KCNG2: variants seen among roughly 807,000 people sequenced by gnomAD.
The protein encoded by KCNG2 is voltage-gated potassium channel regulatory subunit KCNG2.
In KCNG2, 7 loss-of-function variants were observed where a neutral mutation model predicts 12.3. The ratio of observed to expected loss-of-function variants is 0.57; its 90% CI spans 0.32 to 1.07. The LOEUF (loss-of-function observed/expected upper bound fraction) is 1.07, where lower values mean the gene tolerates loss of function less well. Ranked by LOEUF, KCNG2 falls within the 50% of genes least tolerant of loss-of-function variation. The pLI, the probability that KCNG2 is intolerant of heterozygous loss-of-function variation, is 0.04. For synonymous variants in KCNG2, 414 were observed against 351.4 expected (o/e 1.18, Z -1.99); for missense variants, 703 against 726.0 (o/e 0.97, Z 0.36).
chr18:79,892,487 T>C lies in KCNG2; in HGVS notation c.625-6553T>C, dbSNP rs370751799. Among the ~76,000 whole-genome samples the C allele has an allele frequency of 8.5e-5, 13 of 152,350 alleles. No individual in the cohort carries two copies. The South Asian group carries it at 2.3e-3, about 27-fold the overall frequency. ...TTCAACTATTTTTTAAAACCCAGTC[T>C]GCCTTTTGATTGGGTTGTTCACTCC... On this transcript the variant is annotated intron_variant, in intron 3 of 3. Coordinates refer to ENST00000316249, the MANE Select transcript of KCNG2 (RefSeq NM_012283.2).
At chr18:79,869,457 T>C (rs1017985798) in intron 3 of KCNG2, among the ~76,000 whole-genome samples, 4 of 152,104 alleles carry the variant, frequency 2.6e-5, no homozygotes, top group African/African-American at 9.7e-5. Context: ...TGGGAGCAGT[T>C]GTTGAGTCTG....
At chr18:79,879,388 G>A (rs539591044) in intron 3 of KCNG2, among the ~76,000 whole-genome samples, 1 of 152,204 alleles carries the variant, frequency 6.6e-6, no homozygotes, top group Non-Finnish European at 1.5e-5. Context: ...AGCCTGAAAG[G>A]ATAGACATGG....
At chr18:79,882,610 A>G (rs191349443) in intron 3 of KCNG2, among the ~76,000 whole-genome samples, 1 of 152,402 alleles carries the variant, frequency 6.6e-6, no homozygotes, top group African/African-American at 2.4e-5. Flanking sequence ...GAGTTAAGCC[A>G]CAGGAGCTGT....
At chr18:79,865,206 C>G (rs1178895153) in intron 3 of KCNG2, among the ~76,000 whole-genome samples, 14 of 129,594 alleles carry the variant, frequency 1.1e-4, no homozygotes, top group Non-Finnish European at 1.1e-4. Context: ...TATCTGGCTG[C>G]TGAGAGGTCT....
At chr18:79,871,146 G>A (rs552150171) in intron 3 of KCNG2, among the ~76,000 whole-genome samples, 17 of 152,360 alleles carry the variant, frequency 1.1e-4, no homozygotes, top group African/African-American at 3.1e-4. Context: ...GTCAGCCTTC[G>A]TGTCAGGCAC....
At chr18:79,896,890 C>G (rs1980995404) in intron 3 of KCNG2, among the ~76,000 whole-genome samples, 1 of 152,160 alleles carries the variant, frequency 6.6e-6, no homozygotes, top group Admixed American at 6.5e-5. Flanking sequence ...CCTTTGAGCA[C>G]TTTGGATGTG....
At chr18:79,817,608 G>A (rs1285536701) in intron 1 of KCNG2, among the ~76,000 whole-genome samples, 1 of 152,208 alleles carries the variant, frequency 6.6e-6, no homozygotes. Context: ...ACACCTGGCT[G>A]TCACACACGC....
At chr18:79,830,270 T>TA (rs1279291369) in intron 1 of KCNG2, among the ~76,000 whole-genome samples, 1 of 152,118 alleles carries the variant, frequency 6.6e-6, no homozygotes, top group Non-Finnish European at 1.5e-5. Flanking sequence ...GACGTGTTGT[T>TA]TCAGGGGTTT....
Position 79,863,690 on chromosome 18 carries a change from CG to C in KCNG2, c.26del (p.Gly9AlafsTer56). 1 of 1,181,850 alleles carries C rather than the reference CG, an allele frequency of 8.5e-7. No homozygotes were observed. The highest frequency in any genetic ancestry group is 1.0e-6 in the Non-Finnish European group (1 of 957,086). The allele number at this position is 1,181,850 out of a possible 1,614,324, so 73.2% of individuals were successfully genotyped here. A position where few individuals can be genotyped will look rare whatever the true frequency, so the allele number is the denominator to read the frequency against. ...CGCATGGAGCCATGGCCCTGCTCCCCGGGCGGCGGCGGCGGGACCCGCGCCC... is the reference window on the plus strand; with the variant it reads ...CGCATGGAGCCATGGCCCTGCTCCCCGGCGGCGGCGGCGGGACCCGCGCCC... MEPWPCS[P>X]GGGGGTRARH... is the part of the protein sequence containing the mutation. On this transcript the variant is annotated frameshift_variant, in exon 3 of 4. Coordinates refer to ENST00000316249, the MANE Select transcript of KCNG2 (RefSeq NM_012283.2). LOFTEE classifies it high-confidence loss of function.
chr18:79,868,422 C>T (rs1427876248), intron 3 of KCNG2, among the ~76,000 whole-genome samples: 1 of 152,164 alleles, frequency 6.6e-6, no homozygotes, highest in Non-Finnish European at 1.5e-5. Context: ...GAAGCAGTCG[C>T]CCTCTGCATG....
chr18:79,874,345 C>T (rs1979981166), intron 3 of KCNG2, among the ~76,000 whole-genome samples: 2 of 152,244 alleles, frequency 1.3e-5, no homozygotes, highest in South Asian at 4.1e-4. Context: ...GGTTCTGTGT[C>T]TATCAGGAGC....
At chr18:79,883,241 A>C (rs1181138724) in intron 3 of KCNG2, among the ~76,000 whole-genome samples, 1 of 143,088 alleles carries the variant, frequency 7.0e-6, no homozygotes, top group Non-Finnish European at 1.5e-5. Flanking sequence ...TTGGGGGCCA[A>C]GACTGGGTGG....
intron 3 of KCNG2, among the ~76,000 whole-genome samples, chr18:79,890,108 G>T (rs1407489809): frequency 6.6e-6 from 1 of 152,004 alleles, no homozygotes; most frequent in Non-Finnish European, 1.5e-5. Flanking sequence ...CTACACTGCC[G>T]AATTCAGCTT....
intron 1 of KCNG2, among the ~76,000 whole-genome samples, chr18:79,853,026 T>C (rs929975361): frequency 5.9e-5 from 9 of 152,232 alleles, no homozygotes; most frequent in Non-Finnish European, 8.8e-5. Context: ...GCCCCGTGTG[T>C]GCTGGACGCC....
Position 79,899,601 on chromosome 18 carries a change from C to T in KCNG2, c.1186C>T (p.Leu396Phe), listed in dbSNP as rs765752285. 1.3e-6 allele frequency: 2 copies of T among 1,599,858 alleles called. No homozygotes were observed. Among genetic ancestry groups the T allele is most frequent in the Non-Finnish European group, 8.5e-7 (1 of 1,172,440 alleles). ...CAGCAGCATCCTCAGCGGCATCCTG[C>T]TCATGGCCTTCCCGGTCACCTCCAT... is the stretch of plus-strand genomic sequence containing the variant. Reference protein sequence around the residue: ...ALSSILSGILLMAFPVTSIFH... With the variant: ...ALSSILSGILFMAFPVTSIFH... Residue 396 changes from leucine (L) to phenylalanine (F), a missense_variant, in exon 4 of 4, where the codon CTC (leucine) becomes TTC (phenylalanine). Transcript: ENST00000316249.
chr18:79,803,322 GTTC>G lies in KCNG2; in HGVS notation c.-115+5315_-115+5317del, dbSNP rs1390686474. On this transcript the variant is annotated intron_variant, in intron 1 of 3. Transcript: ENST00000316249. This position sits in a 1 kb window ranked among gnomAD's most constrained non-coding sequence, Gnocchi z 4.5. ...CAGCCCCCTCACCTCTAGGCCTCCA[GTTC>G]TTCTTCCCGGAGGTTCACAGCCACT... Among the ~76,000 whole-genome samples the G allele has an allele frequency of 1.3e-5, 2 of 152,138 alleles. No individual in the cohort carries two copies. Among genetic ancestry groups the G allele is most frequent in the African/African-American group, 4.8e-5 (2 of 41,430 alleles).
At chr18:79,855,201 T>C (rs929200609) in intron 1 of KCNG2, among the ~76,000 whole-genome samples, 18 of 152,210 alleles carry the variant, frequency 1.2e-4, no homozygotes, top group African/African-American at 3.9e-4. Flanking sequence ...CATTTTAGTT[T>C]CAGTTCATCT....
Position 79,863,793 on chromosome 18 carries a change from C to G in KCNG2, c.126C>G (p.Arg42=). 7.7e-7 allele frequency: 1 copy of G among 1,303,290 alleles called. No individual in the cohort carries two copies. The highest frequency in any genetic ancestry group is 1.8e-5 in the South Asian group (1 of 56,526). The allele number at this position is 1,303,290 out of a possible 1,614,324, so 80.7% of individuals were successfully genotyped here. ...CGCTGGCGCGATGCCCCCTCGCGCGCCTGGAGCGCCTGCGCGCCTGCCGCG... is the reference window on the plus strand; with the variant it reads ...CGCTGGCGCGATGCCCCCTCGCGCGGCTGGAGCGCCTGCGCGCCTGCCGCG... ...WAALARCPLA[R]LERLRACRGH... Residue 42 remains arginine, a synonymous_variant, in exon 3 of 4, where the codon CGC becomes CGG. Coordinates refer to ENST00000316249, the MANE Select transcript of KCNG2 (RefSeq NM_012283.2).
chr18:79,798,286 G>T (rs2087379484), intron 1 of KCNG2, among the ~76,000 whole-genome samples: 1 of 152,030 alleles, frequency 6.6e-6, no homozygotes, highest in Non-Finnish European at 1.5e-5. Context: ...AGTCGAGGGG[G>T]GCGTCGGGCC....
Sources: allele counts gnomAD v4.1 joint callset (sites outside exome capture counted in the v4.1 genomes callset), GRCh38; gene constraint gnomAD v4.1.1; non-coding constraint Gnocchi (gnomAD v3.1); transcripts MANE v1.5; gene names NCBI Gene and HGNC (gene_info 2026-07-23, HGNC 2026-07-21).